RERE: variants seen among roughly 807,000 people sequenced by gnomAD.
The protein encoded by RERE is arginine-glutamic acid dipeptide repeats, also known as arginine-glutamic acid dipeptide repeats protein.
In RERE, 40 loss-of-function variants were observed where a neutral mutation model predicts 146.1. That is an observed-to-expected ratio of 0.27 (90% confidence interval 0.21 to 0.36). The LOEUF (loss-of-function observed/expected upper bound fraction) is 0.36, where lower values mean the gene tolerates loss of function less well. Among genes scored for constraint, RERE ranks in the 10% least tolerant of loss-of-function variants. The probability of loss-of-function intolerance (pLI) is 1.00; values close to 1 mark genes in which losing one functional copy is unlikely to be tolerated. For missense variants in RERE, 1,933 were observed against 2,138.7 expected (o/e 0.90, Z 1.90); for synonymous variants, 1,003 against 866.0 (o/e 1.16, Z -2.78).
intron 4 of RERE, among the ~76,000 whole-genome samples, chr1:8,597,945 A>T (rs773634542): frequency 3.3e-5 from 5 of 152,152 alleles, no homozygotes; most frequent in African/African-American, 4.8e-5. Flanking sequence ...CAAGCAGAAA[A>T]TAAGACCAAC....
chr1:8,808,092 C>T (rs902845837), intron 1 of RERE, among the ~76,000 whole-genome samples: 3 of 146,388 alleles, frequency 2.0e-5, no homozygotes, highest in Non-Finnish European at 3.0e-5. Context: ...TGCAATGAGC[C>T]GTGATCATGC....
At chr1:8,481,980 G>A (rs999169904) in intron 10 of RERE, among the ~76,000 whole-genome samples, 13 of 152,270 alleles carry the variant, frequency 8.5e-5, no homozygotes, top group African/African-American at 2.9e-4. Flanking sequence ...AATGACAGGC[G>A]AAGCAGACCA....
chr1:8,665,551 C>T (rs79802405), intron 1 of RERE, among the ~76,000 whole-genome samples: 90 of 152,206 alleles, frequency 5.9e-4, no homozygotes, highest in African/African-American at 2.0e-3. Flanking sequence ...GGTTCATAAA[C>T]CATGAGTAGG....
At chr1:8,408,955 G>A (rs1333851936) in intron 12 of RERE, among the ~76,000 whole-genome samples, 1 of 152,122 alleles carries the variant, frequency 6.6e-6, no homozygotes, top group Non-Finnish European at 1.5e-5. Context: ...AATGATTTGG[G>A]GGTAGGATGT....
intron 4 of RERE, among the ~76,000 whole-genome samples, chr1:8,575,925 G>A (rs927975098): frequency 1.3e-5 from 2 of 152,070 alleles, no homozygotes; most frequent in African/African-American, 4.8e-5. Flanking sequence ...ATGAAAATCA[G>A]GGGAAGACTG....
chr1:8,420,756 G>T (rs1431893400), intron 12 of RERE, among the ~76,000 whole-genome samples: 1 of 152,236 alleles, frequency 6.6e-6, no homozygotes, highest in Non-Finnish European at 1.5e-5. Context: ...GAAGGGAGAA[G>T]AGCTACAGCG....
intron 10 of RERE, among the ~76,000 whole-genome samples, chr1:8,491,041 A>G (rs949753897): frequency 1.3e-5 from 2 of 150,776 alleles, no homozygotes; most frequent in Admixed American, 6.5e-5. Context: ...AAAACAGAAT[A>G]AAAATAAGTA....
In RERE at chr1:8,523,075, G is replaced by A. The variant is rs1189033629; in HGVS notation, c.831-14400C>T. On this transcript the variant is annotated intron_variant, in intron 7 of 22. Transcript: ENST00000400908. ...CACCTGTAGTCCCAGCTATGTGGGA[G>A]GCTGAGGCAGGAGAATCACCTTAGC... is the stretch of plus-strand genomic sequence containing the variant. Among the ~76,000 whole-genome samples, 3 of 152,088 alleles carry A rather than the reference G, an allele frequency of 2.0e-5. No homozygotes were observed. In the East Asian group the frequency reaches 5.8e-4, roughly 29 times the overall value.
intron 1 of RERE, among the ~76,000 whole-genome samples, chr1:8,698,049 A>G (rs1257760985): frequency 1.3e-5 from 2 of 152,214 alleles, no homozygotes; most frequent in African/African-American, 4.8e-5. Context: ...AAAGCAAAGG[A>G]ATAAAGAACG....
chr1:8,501,101 G>A (rs1220472292), intron 8 of RERE, among the ~76,000 whole-genome samples: 1 of 134,156 alleles, frequency 7.5e-6, no homozygotes, highest in African/African-American at 2.8e-5. Flanking sequence ...CCTCTGCCCG[G>A]CCGCCCCTAC....
At chr1:8,765,275 A>C (rs1640825293) in intron 1 of RERE, among the ~76,000 whole-genome samples, 1 of 152,220 alleles carries the variant, frequency 6.6e-6, no homozygotes, top group Non-Finnish European at 1.5e-5. Flanking sequence ...AATTAACGTG[A>C]AATGTCCAGA....
rs1316513986 is a variant in RERE at position 8,775,101 on chromosome 1, C to T, written c.-145+42059G>A. Reference sequence around the variant, plus strand: ...TCAGCCTCCCAAGTAGCTGGGATTACAGGCGCACGCCACCACGCCCGGCTA... The same window carrying T: ...TCAGCCTCCCAAGTAGCTGGGATTATAGGCGCACGCCACCACGCCCGGCTA... On this transcript the variant is annotated intron_variant, in intron 1 of 22. Transcript: ENST00000400908. Among the ~76,000 whole-genome samples the T allele has an allele frequency of 2.6e-5, 4 of 151,926 alleles. No homozygotes were observed. The East Asian group carries it at 7.8e-4, about 30-fold the overall frequency.
At chr1:8,675,202 G>A (rs1400552694) in intron 1 of RERE, among the ~76,000 whole-genome samples, 3 of 151,992 alleles carry the variant, frequency 2.0e-5, no homozygotes, top group African/African-American at 7.2e-5. Flanking sequence ...GCCATTTTCA[G>A]CAACTGGTAA....
At position 8,763,782 on chromosome 1, in the gene RERE, T is replaced by C. The variant is rs191464588; in HGVS notation, c.-145+53378A>G. Among the ~76,000 whole-genome samples, 1,366 of 150,758 alleles carry C rather than the reference T, an allele frequency of 9.1e-3. 7 individuals carry two copies. Among genetic ancestry groups the C allele is most frequent in the Middle Eastern group, 0.05 (14 of 282 alleles). On this transcript the variant is annotated intron_variant, in intron 1 of 22. Transcript: ENST00000400908. ...GGTGAAGCCCCATCTCTACTAAAAG[T>C]ACAAAAATTAGCCGGGTGTGGTGGC... is the stretch of plus-strand genomic sequence containing the variant.
chr1:8,796,254 A>C (rs1202574922), intron 1 of RERE, among the ~76,000 whole-genome samples: 1 of 152,146 alleles, frequency 6.6e-6, no homozygotes, highest in African/African-American at 2.4e-5. Flanking sequence ...TAAGCCAGGA[A>C]ATAGCCTTCA....
chr1:8,499,072 G>A (rs773427336), intron 8 of RERE, among the ~76,000 whole-genome samples: 2 of 151,922 alleles, frequency 1.3e-5, no homozygotes, highest in African/African-American at 2.4e-5. Context: ...TGCTGGGACA[G>A]AGCAAGAGCA....
intron 1 of RERE, among the ~76,000 whole-genome samples, chr1:8,805,011 T>TTG (rs1557553415): frequency 6.5e-5 from 9 of 139,348 alleles, no homozygotes; most frequent in African/African-American, 2.1e-4. Flanking sequence ...GTTTTTGGTT[T>TTG]TTTTTTTTTT....
chr1:8,449,112 G>A (rs1054172514), intron 11 of RERE, among the ~76,000 whole-genome samples: 15 of 152,184 alleles, frequency 9.9e-5, no homozygotes, highest in African/African-American at 1.4e-4. Flanking sequence ...TGGAATTGGC[G>A]GGGCCTCTCA....
intron 11 of RERE, among the ~76,000 whole-genome samples, chr1:8,427,829 A>G (rs1178897279): frequency 2.0e-5 from 3 of 152,200 alleles, no homozygotes; most frequent in African/African-American, 7.2e-5. Flanking sequence ...ACAGTAGTCA[A>G]TGATTGGAAG....
Sources: allele counts gnomAD v4.1 joint callset (sites outside exome capture counted in the v4.1 genomes callset), GRCh38; gene constraint gnomAD v4.1.1; transcripts MANE v1.5; gene names NCBI Gene and HGNC (gene_info 2026-07-23, HGNC 2026-07-21).